SAMD12: variants seen among roughly 807,000 people sequenced by gnomAD.
The protein encoded by SAMD12 is sterile alpha motif domain containing 12, also known as sterile alpha motif domain-containing protein 12.
In SAMD12, 9 loss-of-function variants were observed where a neutral mutation model predicts 15.0. That is an observed-to-expected ratio of 0.60 (90% CI 0.36 to 1.05). The LOEUF is 1.05. Among genes scored for constraint, SAMD12 ranks in the 50% least tolerant of loss-of-function variants. The pLI is 0.01. For missense variants in SAMD12, 230 were observed against 234.2 expected, an observed-to-expected ratio of 0.98 and a Z score of 0.12; for synonymous variants, 86 against 90.1, an observed-to-expected ratio of 0.96 and a Z score of 0.25.
At chr8:118,460,869 C>T (rs1823397676) in intron 2 of SAMD12, among the ~76,000 whole-genome samples, 1 of 152,130 alleles carries the variant, frequency 6.6e-6, no homozygotes, top group Admixed American at 6.5e-5. Context: ...TTTCTATGGT[C>T]CCGTCTGGCA....
At chr8:118,137,821 G>T in the SAMD12 span, among the ~76,000 whole-genome samples, 162 of 152,220 alleles carry the variant, frequency 1.1e-3, no homozygotes, top group African/African-American at 3.6e-3. Context: ...ACAAATTTTT[G>T]TTGGGCCACA....
chr8:118,571,808 C>A (rs1167638857), intron 2 of SAMD12, among the ~76,000 whole-genome samples: 1 of 152,214 alleles, frequency 6.6e-6, no homozygotes, highest in Non-Finnish European at 1.5e-5. Context: ...GCTGTAGGGG[C>A]AGGGTCCTCA....
intron 2 of SAMD12, among the ~76,000 whole-genome samples, chr8:118,444,089 T>C (rs1366798034): frequency 1.3e-5 from 2 of 152,068 alleles, no homozygotes; most frequent in Non-Finnish European, 2.9e-5. Context: ...TGCTGCTGGG[T>C]TTTTTCTTCC....
chr8:118,469,403 AAATTTAAGC>A (rs2130957869), intron 2 of SAMD12, among the ~76,000 whole-genome samples: 1 of 137,134 alleles, frequency 7.3e-6, no homozygotes, highest in South Asian at 2.3e-4. Flanking sequence ...AAAACAATGA[AAATTTAAGC>A]ACACCTATCT....
intron 4 of SAMD12, chr8:118,291,161 A>G (rs1301776391): frequency 6.6e-6 from 1 of 152,228 alleles, no homozygotes; most frequent in Non-Finnish European, 1.5e-5. Flanking sequence ...AGGGACACTA[A>G]CAAATAAACT....
intron 4 of SAMD12, among the ~76,000 whole-genome samples, chr8:118,274,007 AG>A (rs1177545497): frequency 6.6e-6 from 1 of 152,210 alleles, no homozygotes; most frequent in African/African-American, 2.4e-5. Flanking sequence ...AATCAATATT[AG>A]TTAATGTTTA....
At chr8:118,615,454 AC>A (rs1447665250) in intron 1 of SAMD12, among the ~76,000 whole-genome samples, 1 of 151,748 alleles carries the variant, frequency 6.6e-6, no homozygotes, top group Non-Finnish European at 1.5e-5. Context: ...CTTTCTTACT[AC>A]ACTCCCCACC....
At chr8:118,151,829 C>CA in the SAMD12 span, among the ~76,000 whole-genome samples, 1,240 of 57,244 alleles carry the variant, frequency 0.022, 16 homozygotes, top group Non-Finnish European at 0.037. Flanking sequence ...GACTCTGTCT[C>CA]AAAAAAAAAG....
intron 4 of SAMD12, among the ~76,000 whole-genome samples, chr8:118,220,106 G>A (rs1049676252): frequency 2.0e-5 from 3 of 152,132 alleles, no homozygotes; most frequent in Non-Finnish European, 2.9e-5. Flanking sequence ...TGGATAAATG[G>A]TTGAGGCTGT....
intron 4 of SAMD12, among the ~76,000 whole-genome samples, chr8:118,271,127 C>T (rs1297961444): frequency 6.6e-6 from 1 of 152,162 alleles, no homozygotes; most frequent in African/African-American, 2.4e-5. Flanking sequence ...CTAATTGATA[C>T]TGAGTAATTT....
At chr8:118,363,838 T>A (rs1386397295) in intron 4 of SAMD12, among the ~76,000 whole-genome samples, 2 of 152,242 alleles carry the variant, frequency 1.3e-5, no homozygotes, top group Non-Finnish European at 2.9e-5. Context: ...ATTTGTAGAA[T>A]GCAGTCCATG....
chr8:118,557,267 T>C (rs1468268237), intron 2 of SAMD12, among the ~76,000 whole-genome samples: 1 of 152,196 alleles, frequency 6.6e-6, no homozygotes, highest in Non-Finnish European at 1.5e-5. Context: ...GCTCTGTCTC[T>C]CCTGCTGCCA....
At chr8:118,193,523 A>G (rs188428216) in exon 5 of SAMD12, 1 of 152,286 alleles carries the variant, frequency 6.6e-6, no homozygotes, top group East Asian at 1.9e-4. Flanking sequence ...GAGTAGAAAC[A>G]TCTCCTGGCC....
At chr8:118,457,423 G>A (rs1823292019) in intron 2 of SAMD12, among the ~76,000 whole-genome samples, 1 of 151,316 alleles carries the variant, frequency 6.6e-6, no homozygotes, top group South Asian at 2.1e-4. Flanking sequence ...TAGAGACAGG[G>A]TCTCACTATG....
At chr8:118,158,977 C>G in the SAMD12 span, among the ~76,000 whole-genome samples, 1 of 152,232 alleles carries the variant, frequency 6.6e-6, no homozygotes, top group African/African-American at 2.4e-5. Context: ...ATATACCTCA[C>G]TCTTCCTGAA....
intron 4 of SAMD12, among the ~76,000 whole-genome samples, chr8:118,306,530 C>T (rs1815358836): frequency 6.6e-6 from 1 of 152,106 alleles, no homozygotes; most frequent in African/African-American, 2.4e-5. Context: ...GAGTTCCATC[C>T]TGGAACATGA....
chr8:118,489,834 G>C (rs1288337781), intron 2 of SAMD12, among the ~76,000 whole-genome samples: 1 of 152,118 alleles, frequency 6.6e-6, no homozygotes, highest in Non-Finnish European at 1.5e-5. Context: ...AAATGAAGTA[G>C]CATGATTTAA....
chr8:118,229,923 G>A (rs1486967669), intron 4 of SAMD12, among the ~76,000 whole-genome samples: 1 of 151,986 alleles, frequency 6.6e-6, no homozygotes, highest in African/African-American at 2.4e-5. Context: ...TGAGTTCTGG[G>A]GTGCAGAAAT....
intron 4 of SAMD12, among the ~76,000 whole-genome samples, chr8:118,275,799 G>T (rs1320263177): frequency 6.6e-6 from 1 of 152,214 alleles, no homozygotes; most frequent in Non-Finnish European, 1.5e-5. Flanking sequence ...TTGGAAGTGA[G>T]AGCATGTGAT....
Sources: allele counts gnomAD v4.1 joint callset (sites outside exome capture counted in the v4.1 genomes callset), GRCh38; gene constraint gnomAD v4.1.1; transcripts MANE v1.5; gene names NCBI Gene and HGNC (gene_info 2026-07-23, HGNC 2026-07-21).